The following SFI1 variants were observed in gnomAD, a reference collection of about 807,000 sequenced individuals.
The protein encoded by SFI1 is protein SFI1 homolog.
A neutral mutation model predicts 207.5 loss-of-function variants in SFI1; 195 were observed. The ratio of observed to expected loss-of-function variants is 0.94; its 90% CI spans 0.84 to 1.06. The LOEUF is 1.06. Ranked by LOEUF, SFI1 falls within the 50% of genes least tolerant of loss-of-function variation. The pLI is 0.00. For synonymous variants in SFI1, 630 were observed against 598.9 expected (o/e 1.05, Z -0.76); for missense variants, 1,634 against 1,588.0 (o/e 1.03, Z -0.49).
At chr22:31,578,340 G>T (rs758132814) in intron 10 of SFI1, 42 bp from the exon 11 acceptor site, 1 of 1,601,726 alleles carries the variant, frequency 6.2e-7, no homozygotes, top group Admixed American at 1.7e-5. Flanking sequence ...CTGTGTAGGG[G>T]TCAGAACCTT....
At chr22:31,605,246 C>T (rs1056749037) in intron 20 of SFI1, 3 of 232,296 alleles carry the variant, frequency 1.3e-5, no homozygotes, top group South Asian at 1.1e-4. Flanking sequence ...TTCAGCTTTG[C>T]AAGGCACCTT....
intron 8 of SFI1, among the ~76,000 whole-genome samples, chr22:31,563,002 T>C (rs990633828): frequency 6.6e-6 from 1 of 150,910 alleles, no homozygotes; most frequent in African/African-American, 2.4e-5. Context: ...TATATATATA[T>C]GTTTTGAGAC....
In SFI1 at chr22:31,583,933, A is replaced by G. The variant is rs1569384694; in HGVS notation, c.1307A>G (p.Glu436Gly). The G allele has an allele frequency of 1.2e-6, 2 of 1,614,140 alleles. No homozygotes were observed. Among genetic ancestry groups the G allele is most frequent in the South Asian group, 2.2e-5 (2 of 91,082 alleles). Residue 436 changes from glutamate (E) to glycine (G), a missense_variant, in exon 13 of 33, where the codon GAG (glutamate) becomes GGG (glycine). Transcript: ENST00000400288. ...RSQIEQKKER[E>G]LLPLLHAAWD... ...CAGATTGAGCAGAAAAAGGAAAGAGAGCTGCTCCCCTTACTGCATGCTGCC... is the reference window on the plus strand; with the variant it reads ...CAGATTGAGCAGAAAAAGGAAAGAGGGCTGCTCCCCTTACTGCATGCTGCC...
At chr22:31,503,575 T>C (rs2054144616) in intron 1 of SFI1, among the ~76,000 whole-genome samples, 1 of 149,010 alleles carries the variant, frequency 6.7e-6, no homozygotes, top group Non-Finnish European at 1.5e-5. Flanking sequence ...TTTTTGTTTT[T>C]CTTGGACTGT....
intron 4 of SFI1, among the ~76,000 whole-genome samples, chr22:31,539,288 G>A (rs754846948): frequency 2.6e-5 from 4 of 152,260 alleles, no homozygotes; most frequent in South Asian, 4.1e-4. Flanking sequence ...GGTAGTCTGA[G>A]TAAATCAAGT....
chr22:31,497,094 C>G (rs1453721321), intron 1 of SFI1, among the ~76,000 whole-genome samples: 3 of 152,342 alleles, frequency 2.0e-5, no homozygotes, highest in Admixed American at 6.5e-5. Context: ...GTAAACAAAC[C>G]TGGAAGCCTT....
intron 4 of SFI1, among the ~76,000 whole-genome samples, chr22:31,542,155 C>CTCTCGG (rs1333476119): frequency 2.7e-5 from 4 of 146,678 alleles, no homozygotes; most frequent in Non-Finnish European, 6.0e-5. Context: ...CTCCTATAAT[C>CTCTCGG]TCTCCCCCAC....
intron 5 of SFI1, among the ~76,000 whole-genome samples, chr22:31,549,243 T>A (rs1370371591): frequency 7.4e-6 from 1 of 135,614 alleles, no homozygotes; most frequent in African/African-American, 2.8e-5. Context: ...TGAGCCATGT[T>A]CACATTACTG....
chr22:31,608,531 C>CCACTGCACTCCAGCCT (rs2069470365), intron 22 of SFI1, among the ~76,000 whole-genome samples: 37 of 152,124 alleles, frequency 2.4e-4, no homozygotes, highest in Admixed American at 2.4e-3. Context: ...GACATGAATA[C>CCACTGCACTCCAGCCT]GGCAGGTGTG....
At chr22:31,566,959 G>A (rs905302530) in intron 8 of SFI1, among the ~76,000 whole-genome samples, 2 of 152,026 alleles carry the variant, frequency 1.3e-5, no homozygotes, top group African/African-American at 2.4e-5. Context: ...AGGCTGGAGT[G>A]CAGTGGTGCG....
chr22:31,582,220 A>ATTTTT (rs1191390676), intron 12 of SFI1, among the ~76,000 whole-genome samples: 1 of 32,520 alleles, frequency 3.1e-5, no homozygotes, highest in Non-Finnish European at 5.9e-5. Flanking sequence ...ATATATATAT[A>ATTTTT]TATATATATA....
chr22:31,613,822 G>T lies in SFI1; in HGVS notation c.2963G>T (p.Arg988Leu), dbSNP rs71331296. The T allele has an allele frequency of 1.9e-6, 3 of 1,609,184 alleles. No homozygotes were observed. The highest frequency in any genetic ancestry group is 3.4e-5 in the Admixed American group (2 of 59,598). ...QASRPLGALG[R>L]LAAEEPHALE... is the part of the protein sequence containing the mutation. Reference sequence around the variant, plus strand: ...TCTCGGCCTCTGGGAGCTCTGGGCCGCCTGGCTGCTGAGGAGCCCCACGCC... The same window carrying T: ...TCTCGGCCTCTGGGAGCTCTGGGCCTCCTGGCTGCTGAGGAGCCCCACGCC... The change falls in exon 27 of 33, where the codon CGC (arginine) becomes CTC (leucine). Residue 988 changes from arginine (R) to leucine (L), a missense_variant. Physicochemically the swap from Arg to Leu is moderately radical, Grantham distance 102 (BLOSUM62 -2). Coordinates refer to ENST00000400288, the MANE Select transcript of SFI1 (RefSeq NM_001007467.3).
At chr22:31,576,465 C>T (rs1469185489) in intron 10 of SFI1, among the ~76,000 whole-genome samples, 5 of 151,652 alleles carry the variant, frequency 3.3e-5, no homozygotes, top group Non-Finnish European at 4.4e-5. Flanking sequence ...GGATTACAGG[C>T]GGCCACCACC....
At chr22:31,579,640 C>T (rs976550137) in intron 11 of SFI1, among the ~76,000 whole-genome samples, 1 of 152,072 alleles carries the variant, frequency 6.6e-6, no homozygotes, top group Non-Finnish European at 1.5e-5. Context: ...TTTATACAGA[C>T]GGAGTCTCCT....
In SFI1 at chr22:31,618,356, C is replaced by T. The variant is rs2072202064; in HGVS notation, c.3667C>T (p.Gln1223Ter). ...IQLLAEELQA[Q>*]RQPIGACVAR... ...GCTGCTGGCAGAGGAGCTCCAGGCTCAGCGCCAGCCCATTGGCGCCTGCGT... is the reference window on the plus strand; with the variant it reads ...GCTGCTGGCAGAGGAGCTCCAGGCTTAGCGCCAGCCCATTGGCGCCTGCGT... The change falls in exon 33 of 33, where the codon CAG becomes TAG. Residue 1223 changes from glutamine (Q) to a stop codon, truncating the protein, a stop_gained. Coordinates refer to ENST00000400288, the MANE Select transcript of SFI1 (RefSeq NM_001007467.3). LOFTEE classifies it high-confidence loss of function. The T allele has an allele frequency of 6.2e-7, 1 of 1,608,834 alleles. No homozygotes were observed. Among genetic ancestry groups the T allele is most frequent in the Non-Finnish European group, 8.5e-7 (1 of 1,176,964 alleles).
At chr22:31,604,189 G>C (rs2068575403) in intron 18 of SFI1, 120 bp from the exon 19 acceptor site, 4 of 752,968 alleles carry the variant, frequency 5.3e-6, no homozygotes, top group South Asian at 4.8e-5. Flanking sequence ...CGTATTTATA[G>C]ATGAGGCCAG....
intron 6 of SFI1, among the ~76,000 whole-genome samples, chr22:31,554,551 G>T (rs201994493): frequency 6.7e-6 from 1 of 148,264 alleles, no homozygotes. Flanking sequence ...CTCGTGATCC[G>T]CCCACCTCGG....
In SFI1 at chr22:31,616,827, T is replaced by C. The variant is rs911737064; in HGVS notation, c.3383T>C (p.Leu1128Pro). 1 of 1,612,886 alleles carries C rather than the reference T, an allele frequency of 6.2e-7. No individual in the cohort carries two copies. The highest frequency in any genetic ancestry group is 1.3e-5 in the African/African-American group (1 of 74,892). ...AGTGTCCCTGACCCCCATCTACTCCTTCCTGGGGACTTCTCAGCCACCAGG... is the reference window on the plus strand; with the variant it reads ...AGTGTCCCTGACCCCCATCTACTCCCTCCTGGGGACTTCTCAGCCACCAGG... ...LASVPDPHLL[L>P]PGDFSATRAG... The change falls in exon 30 of 33, where the codon CTT becomes CCT. Residue 1128 changes from leucine to proline, a missense_variant. Leu to Pro is a moderately conservative substitution (Grantham distance 98). Transcript: ENST00000400288.
chr22:31,514,565 G>A (rs953383095), intron 2 of SFI1, among the ~76,000 whole-genome samples: 12 of 148,192 alleles, frequency 8.1e-5, no homozygotes, highest in African/African-American at 3.0e-4. Flanking sequence ...CTGAGGCTTT[G>A]TGTCCTTTGA....
Sources: gnomAD v4.1 joint callset for allele counts (sites outside exome capture counted in the v4.1 genomes callset) on GRCh38, gnomAD v4.1.1 for gene constraint, MANE v1.5 for transcripts, NCBI Gene and HGNC (gene_info 2026-07-23, HGNC 2026-07-21) for gene names.